Variants in CBLN2 observed in about 807,000 individuals in gnomAD.
CBLN2 encodes the protein cerebellin 2 precursor.
In CBLN2, 7 loss-of-function variants were observed where a neutral mutation model predicts 15.0. The observed-to-expected ratio is 0.47, with a 90% confidence interval of 0.27 to 0.88. The LOEUF (loss-of-function observed/expected upper bound fraction) is 0.88, where lower values mean the gene tolerates loss of function less well. CBLN2 is among the 40% of genes least tolerant of loss of function. CBLN2 has a pLI of 0.14. For synonymous variants in CBLN2, 149 were observed against 135.2 expected (o/e 1.10, Z -0.71); for missense variants, 242 against 304.5 (o/e 0.79, Z 1.53).
chr18:72,618,858 T>C, intron 1 of CBLN2: 1 of 730,492 alleles, frequency 1.4e-6, no homozygotes, highest in South Asian at 1.3e-5. Flanking sequence ...ATTGAAGTGG[T>C]TCTGGAAGCT....
chr18:72,567,867 T>A lies in CBLN2; in HGVS notation c.16-29095A>T, dbSNP rs576037271. Among the ~76,000 whole-genome samples the A allele has an allele frequency of 8.8e-4, 134 of 152,212 alleles. 1 individual carries two copies. Among genetic ancestry groups the A allele is most frequent in the Non-Finnish European group, 1.7e-3 (119 of 68,034 alleles). ...AGATCTTAGAAAGCAGTTGCAAGTA[T>A]ACATTGCATTTATATTTATCTATTG... On this transcript the variant is annotated intron_variant, in intron 1 of 2. Coordinates refer to the CBLN2 transcript ENST00000581073.
At chr18:72,554,031 T>C (rs1056977771) in intron 1 of CBLN2, among the ~76,000 whole-genome samples, 2 of 152,246 alleles carry the variant, frequency 1.3e-5, no homozygotes, top group African/African-American at 4.8e-5. Flanking sequence ...TAGCATCCTT[T>C]GGTTCTCAAT....
intron 3 of CBLN2, among the ~76,000 whole-genome samples, chr18:72,540,685 A>T (rs1434143632): frequency 1.3e-5 from 2 of 152,234 alleles, no homozygotes; most frequent in Non-Finnish European, 2.9e-5. Flanking sequence ...TGCCAAGAAA[A>T]AAAAACCTCA....
intron 1 of CBLN2, among the ~76,000 whole-genome samples, chr18:72,560,398 G>A (rs2144892380): frequency 6.6e-6 from 1 of 152,342 alleles, no homozygotes; most frequent in South Asian, 2.1e-4. Flanking sequence ...AGCCTACAAT[G>A]GAGAATTTCC....
intron 1 of CBLN2, among the ~76,000 whole-genome samples, chr18:72,621,898 C>G (rs1224622295): frequency 6.6e-6 from 1 of 152,146 alleles, no homozygotes; most frequent in Non-Finnish European, 1.5e-5. Context: ...GTTGAGAAAA[C>G]AGCTGAGAAA....
At chr18:72,557,842 C>T (rs1292108471) in intron 1 of CBLN2, among the ~76,000 whole-genome samples, 4 of 152,162 alleles carry the variant, frequency 2.6e-5, no homozygotes, top group Admixed American at 1.3e-4. Context: ...ATAGGTACAA[C>T]AAGCCACCAC....
chr18:72,606,087 C>G (rs975469297), intron 1 of CBLN2, among the ~76,000 whole-genome samples: 1 of 152,216 alleles, frequency 6.6e-6, no homozygotes, highest in Non-Finnish European at 1.5e-5. Flanking sequence ...GTCACCACAT[C>G]CTTGAGATTC....
At chr18:72,552,729 G>GA (rs751857189) in intron 1 of CBLN2, 7 of 151,992 alleles carry the variant, frequency 4.6e-5, no homozygotes, top group African/African-American at 1.4e-4. Flanking sequence ...AATTACTGGA[G>GA]AAAAAAGAAA....
Position 72,566,691 on chromosome 18 carries a change from A to G in CBLN2, c.16-27919T>C, listed in dbSNP as rs905192903. The stretch of plus-strand genomic sequence containing the variant: ...AGAGAAGAGATTTGTTAATGAGTAC[A>G]ATGTTACAGTTAGATAGGAAGAATA... On this transcript the variant is annotated intron_variant, in intron 1 of 2. Transcript: ENST00000581073. Among the ~76,000 whole-genome samples, 18 of 152,188 alleles carry G rather than the reference A, an allele frequency of 1.2e-4. 1 individual carries two copies. The highest frequency in any genetic ancestry group is 1.1e-3 in the Admixed American group (17 of 15,270).
intron 1 of CBLN2, among the ~76,000 whole-genome samples, chr18:72,588,414 A>G (rs750422223): frequency 3.4e-4 from 52 of 152,256 alleles, no homozygotes; most frequent in Non-Finnish European, 5.4e-4. Flanking sequence ...GACCATCTTA[A>G]AGTGAAAAAC....
At chr18:72,565,768 C>T (rs943044166) in intron 1 of CBLN2, among the ~76,000 whole-genome samples, 1 of 152,022 alleles carries the variant, frequency 6.6e-6, no homozygotes, top group African/African-American at 2.4e-5. Flanking sequence ...GATTTTTTGG[C>T]TAAGTCCTCA....
At chr18:72,591,815 A>T (rs2069481642) in intron 1 of CBLN2, among the ~76,000 whole-genome samples, 1 of 152,174 alleles carries the variant, frequency 6.6e-6, no homozygotes, top group African/African-American at 2.4e-5. Context: ...ATGTTGTTGG[A>T]AATGACAGAA....
At chr18:72,624,439 A>C (rs2144970511) in intron 1 of CBLN2, among the ~76,000 whole-genome samples, 1 of 152,310 alleles carries the variant, frequency 6.6e-6, no homozygotes, top group Non-Finnish European at 1.5e-5. Context: ...AGGGAGTTCA[A>C]GACCAGCTTT....
intron 1 of CBLN2, among the ~76,000 whole-genome samples, chr18:72,626,901 T>A (rs1174811952): frequency 6.6e-6 from 1 of 152,204 alleles, no homozygotes; most frequent in East Asian, 1.9e-4. Flanking sequence ...CAAGGATTTT[T>A]CACCTCATTT....
At chr18:72,609,752 A>G (rs897731184) in intron 1 of CBLN2, among the ~76,000 whole-genome samples, 1 of 152,182 alleles carries the variant, frequency 6.6e-6, no homozygotes, top group Non-Finnish European at 1.5e-5. Flanking sequence ...GTAAGCATTT[A>G]CTTAACTCCA....
chr18:72,540,435 A>G (rs1217669899), intron 3 of CBLN2: 4 of 152,200 alleles, frequency 2.6e-5, no homozygotes, highest in African/African-American at 9.6e-5. Context: ...CCTGCCCTAC[A>G]TCACAGAGCT....
intron 1 of CBLN2, chr18:72,618,311 G>A: frequency 2.3e-6 from 1 of 436,898 alleles, no homozygotes; most frequent in Non-Finnish European, 4.3e-6. Context: ...AGCTGCGGGA[G>A]CTCTTCATTG....
At chr18:72,550,641 A>G (rs1032597816) in intron 1 of CBLN2, among the ~76,000 whole-genome samples, 2 of 152,222 alleles carry the variant, frequency 1.3e-5, no homozygotes, top group African/African-American at 4.8e-5. Context: ...TACTAAAATA[A>G]AAAGTTTGTA....
intron 1 of CBLN2, among the ~76,000 whole-genome samples, chr18:72,615,151 T>C (rs9954139): frequency 0.2 from 26,312 of 131,278 alleles, 4,056 homozygotes; most frequent in African/African-American, 0.43. Flanking sequence ...TAAATATAAA[T>C]ATAGAAAATA....
Sources: gnomAD v4.1 joint callset for allele counts (sites outside exome capture counted in the v4.1 genomes callset) on GRCh38, gnomAD v4.1.1 for gene constraint, MANE v1.5 for transcripts, NCBI Gene and HGNC (gene_info 2026-07-23, HGNC 2026-07-21) for gene names.